The following ASPRV1 variants were observed in gnomAD, a reference collection of about 807,000 sequenced individuals.
ASPRV1 encodes retroviral-like aspartic protease 1.
ASPRV1 carries 7 observed loss-of-function variants against 11.0 expected under a neutral mutation model. The observed-to-expected ratio is 0.64, with a 90% confidence interval of 0.36 to 1.20. The LOEUF (loss-of-function observed/expected upper bound fraction) is 1.20, where lower values mean the gene tolerates loss of function less well. ASPRV1 is among the 50% of genes most tolerant of loss of function. The probability of loss-of-function intolerance (pLI) is 0.02; values close to 1 mark genes in which losing one functional copy is unlikely to be tolerated. For missense variants in ASPRV1, 299 were observed against 320.0 expected, an observed-to-expected ratio of 0.93 and a Z score of 0.50; for synonymous variants, 136 against 138.4, an observed-to-expected ratio of 0.98 and a Z score of 0.12.
At chr2:69,937,158 A>G in the ASPRV1 span, 1 of 1,572,424 alleles carries the variant, frequency 6.4e-7, no homozygotes, top group Non-Finnish European at 8.7e-7. Context: ...TTCCACTGCT[A>G]GAAGGGAAGA....
chr2:69,950,635 G>T, the ASPRV1 span, among the ~76,000 whole-genome samples: 3 of 151,718 alleles, frequency 2.0e-5, no homozygotes, highest in African/African-American at 2.4e-5. Context: ...TGAGGTCAGG[G>T]GTTCCAGACC....
chr2:69,967,902 G>A, the ASPRV1 span, among the ~76,000 whole-genome samples: 4 of 152,016 alleles, frequency 2.6e-5, no homozygotes, highest in Non-Finnish European at 5.9e-5. Context: ...CCAACATGGT[G>A]AAACCCTGGC....
At chr2:69,934,222 A>G in the ASPRV1 span, among the ~76,000 whole-genome samples, 1 of 152,298 alleles carries the variant, frequency 6.6e-6, no homozygotes, top group East Asian at 1.9e-4. Flanking sequence ...ATAAACAGTT[A>G]AGTGGTGCTT....
At chr2:70,052,054 A>G in the ASPRV1 span, among the ~76,000 whole-genome samples, 1 of 152,142 alleles carries the variant, frequency 6.6e-6, no homozygotes, top group African/African-American at 2.4e-5. Flanking sequence ...AACAATCTTT[A>G]AAAGAAAAAT....
Position 69,961,399 on chromosome 2 carries a change from C to T in ASPRV1, c.38G>A (p.Arg13Gln), listed in dbSNP as rs141061540. The change falls in exon 1 of 1, where the codon CGG (arginine) becomes CAG (glutamine). Residue 13 changes from arginine (R) to glutamine (Q), a missense_variant. By Grantham distance (43) the Arg-to-Gln change is conservative. Coordinates refer to ENST00000320256, the MANE Select transcript of ASPRV1 (RefSeq NM_152792.4). ...AGGTTCCGGGACGAAGGCATGCTGC[C>T]GGCGGCCTTCCTCACTCCTGGCTCC... ...GSGARSEEGR[R>Q]QHAFVPEPFD... 7,121 of 1,614,110 alleles carry T rather than the reference C, an allele frequency of 4.4e-3. 103 individuals are homozygous for T. The highest frequency in any genetic ancestry group is 3.1e-3 in the Non-Finnish European group (3,711 of 1,180,020).
At chr2:70,079,619 AG>A in the ASPRV1 span, among the ~76,000 whole-genome samples, 1 of 152,342 alleles carries the variant, frequency 6.6e-6, no homozygotes, top group Admixed American at 6.5e-5. Context: ...CCAGTGAGGC[AG>A]GAACAGCATC....
chr2:69,937,468 CAGGAGGCAG>C, the ASPRV1 span: 8 of 1,402,398 alleles, frequency 5.7e-6, no homozygotes, highest in Admixed American at 2.0e-4. Context: ...GTACTGCGGA[CAGGAGGCAG>C]AGTGTAAGAA....
the ASPRV1 span, among the ~76,000 whole-genome samples, chr2:69,949,254 CGAATGAAT>C: frequency 8.6e-3 from 1,294 of 150,678 alleles, 15 homozygotes; most frequent in South Asian, 0.041. Context: ...GATGGATGGG[CGAATGAAT>C]GAATGAATGA....
chr2:69,984,257 T>G, the ASPRV1 span, among the ~76,000 whole-genome samples: 1 of 152,174 alleles, frequency 6.6e-6, no homozygotes, highest in Admixed American at 6.5e-5. Flanking sequence ...CAGGCTGGTC[T>G]CAAATTCCTG....
At chr2:70,017,745 AAC>A in the ASPRV1 span, among the ~76,000 whole-genome samples, 2 of 152,230 alleles carry the variant, frequency 1.3e-5, no homozygotes, top group Non-Finnish European at 2.9e-5. Flanking sequence ...AAAAAAAAGA[AAC>A]AAAATCAACA....
chr2:70,021,328 T>C, the ASPRV1 span, among the ~76,000 whole-genome samples: 1 of 151,828 alleles, frequency 6.6e-6, no homozygotes, highest in African/African-American at 2.4e-5. Context: ...TTCTTTTTTT[T>C]TTTTTTTTGA....
the ASPRV1 span, chr2:70,050,673 G>C: frequency 6.6e-6 from 1 of 152,180 alleles, no homozygotes; most frequent in Middle Eastern, 3.4e-3. Flanking sequence ...GTGTAGGCAA[G>C]GTGCAGTGCT....
At chr2:70,032,393 C>T in the ASPRV1 span, 1 of 151,276 alleles carries the variant, frequency 6.6e-6, no homozygotes, top group African/African-American at 2.4e-5. Context: ...TGGTGGCTCA[C>T]AATTATAATC....
the ASPRV1 span, among the ~76,000 whole-genome samples, chr2:70,025,799 T>C: frequency 6.6e-6 from 1 of 152,200 alleles, no homozygotes; most frequent in East Asian, 1.9e-4. Context: ...GATGCTGCAA[T>C]GGCTGTGACC....
At chr2:70,013,897 C>CA in the ASPRV1 span, among the ~76,000 whole-genome samples, 1 of 152,030 alleles carries the variant, frequency 6.6e-6, no homozygotes, top group Non-Finnish European at 1.5e-5. Flanking sequence ...AACAAACAAA[C>CA]AAACAAAAAA....
the ASPRV1 span, among the ~76,000 whole-genome samples, chr2:70,065,663 A>AT: frequency 2.0e-5 from 3 of 151,412 alleles, no homozygotes; most frequent in African/African-American, 7.3e-5. Context: ...TCTACAAAAA[A>AT]TTTTTTTAAA....
the ASPRV1 span, among the ~76,000 whole-genome samples, chr2:70,006,129 A>T: frequency 9.9e-5 from 15 of 152,212 alleles, no homozygotes; most frequent in African/African-American, 3.6e-4. Context: ...ATGTGCGCAC[A>T]CACACATACA....
the ASPRV1 span, among the ~76,000 whole-genome samples, chr2:70,029,582 T>G: frequency 7.2e-5 from 11 of 152,196 alleles, no homozygotes; most frequent in African/African-American, 2.7e-4. Context: ...GAAGTTGCAG[T>G]GAGCCGAGAT....
chr2:70,078,582 G>T, the ASPRV1 span, among the ~76,000 whole-genome samples: 1 of 152,150 alleles, frequency 6.6e-6, no homozygotes. Context: ...TGATGTTCCT[G>T]GCAGAAAAAG....
Sources: allele counts gnomAD v4.1 joint callset (sites outside exome capture counted in the v4.1 genomes callset), GRCh38; gene constraint gnomAD v4.1.1; transcripts MANE v1.5; gene names NCBI Gene and HGNC (gene_info 2026-07-23, HGNC 2026-07-21).